The following TEAD1 variants were observed in gnomAD, a reference collection of about 807,000 sequenced individuals.
TEAD1 encodes the protein transcriptional enhancer factor TEF-1.
In TEAD1, 9 loss-of-function variants were observed where a neutral mutation model predicts 54.9. The ratio of observed to expected loss-of-function variants is 0.16; its 90% CI spans 0.10 to 0.29. TEAD1 has a LOEUF of 0.29. Ranked by LOEUF, TEAD1 falls within the 10% of genes least tolerant of loss-of-function variation. The probability of loss-of-function intolerance (pLI) is 1.00; values close to 1 mark genes in which losing one functional copy is unlikely to be tolerated. For synonymous variants in TEAD1, 200 were observed against 187.8 expected, an observed-to-expected ratio of 1.07 and a Z score of -0.53; for missense variants, 387 against 535.9, an observed-to-expected ratio of 0.72 and a Z score of 2.74.
chr11:12,792,716 T>C (rs1229625545), intron 3 of TEAD1, among the ~76,000 whole-genome samples: 1 of 152,298 alleles, frequency 6.6e-6, no homozygotes, highest in African/African-American at 2.4e-5. Context: ...ATGAGATATA[T>C]AGTAAAGCTA....
rs536531050 is a variant in TEAD1, at chr11:12,851,393, A to G, written c.203-10857A>G. ...TTGTCGTCACACACAAAAAATTACTATGCGATGATAGCTATGTTAATCTGT... is the reference window on the plus strand; with the variant it reads ...TTGTCGTCACACACAAAAAATTACTGTGCGATGATAGCTATGTTAATCTGT... On this transcript the variant is annotated intron_variant, in intron 3 of 12. Transcript: ENST00000527636. 3.5e-4 allele frequency among the ~76,000 whole-genome samples: 54 copies of G among 152,370 alleles called. 1 individual carries two copies. The highest frequency in any genetic ancestry group is 5.0e-4 in the Non-Finnish European group (34 of 68,034).
chr11:12,942,860 A>G lies in TEAD1; in HGVS notation c.*5638A>G, dbSNP rs1324242434. The G allele has an allele frequency of 6.6e-6, 1 of 152,222 alleles. No homozygotes were observed. The highest frequency in any genetic ancestry group is 1.9e-4 in the East Asian group (1 of 5,190). 9.4% of individuals were successfully genotyped at this position (152,222 alleles called of 1,614,324 possible). On this transcript the variant is annotated 3_prime_UTR_variant, in exon 13 of 13. Transcript: ENST00000527636. ...ATTTGGCATTTTCAAAGAATGTTCCAGCCCTCAAAGGGGCAACTCTTTAAA... is the reference window on the plus strand; with the variant it reads ...ATTTGGCATTTTCAAAGAATGTTCCGGCCCTCAAAGGGGCAACTCTTTAAA...
At chr11:12,841,287 T>C (rs1947035227) in intron 3 of TEAD1, among the ~76,000 whole-genome samples, 1 of 152,170 alleles carries the variant, frequency 6.6e-6, no homozygotes, top group South Asian at 2.1e-4. Context: ...CCTCCTTTGG[T>C]CTTCTTAGCT....
At chr11:12,715,263 C>CA (rs1944031779) in intron 2 of TEAD1, among the ~76,000 whole-genome samples, 1 of 152,116 alleles carries the variant, frequency 6.6e-6, no homozygotes, top group Non-Finnish European at 1.5e-5. Flanking sequence ...TCACCAGAGA[C>CA]AAAACCCAGG....
chr11:12,824,520 G>T (rs1163581412), intron 3 of TEAD1, among the ~76,000 whole-genome samples: 1 of 152,204 alleles, frequency 6.6e-6, no homozygotes, highest in Non-Finnish European at 1.5e-5. Context: ...AACAATGTTG[G>T]ATACTGCCCG....
chr11:12,762,274 G>C (rs1330387322), intron 2 of TEAD1, among the ~76,000 whole-genome samples: 1 of 152,164 alleles, frequency 6.6e-6, no homozygotes, highest in Non-Finnish European at 1.5e-5. Context: ...GCTAGCCACT[G>C]CTCAAAGAAT....
At chr11:12,836,199 T>A (rs1946888204) in intron 3 of TEAD1, among the ~76,000 whole-genome samples, 1 of 152,036 alleles carries the variant, frequency 6.6e-6, no homozygotes, top group Non-Finnish European at 1.5e-5. Flanking sequence ...GGTGGGTGGA[T>A]CATGAGGTCA....
intron 3 of TEAD1, among the ~76,000 whole-genome samples, chr11:12,819,966 T>G (rs966633931): frequency 2.2e-5 from 3 of 133,792 alleles, no homozygotes; most frequent in Non-Finnish European, 4.6e-5. Flanking sequence ...GGATTAGAGG[T>G]GGAGAAACAG....
In TEAD1 at chr11:12,883,138, A is replaced by G. The variant is rs1948003958; in HGVS notation, c.699+13A>G. 1.9e-6 allele frequency: 3 copies of G among 1,614,158 alleles called. No homozygotes were observed. The highest frequency in any genetic ancestry group is 1.1e-5 in the South Asian group (1 of 91,078). On this transcript the variant is annotated intron_variant, in intron 9 of 12. Transcript: ENST00000527636. ...AGACCCAGACTCGGTGAGTGTGCCCAGAGAGGTGTGTCTTGAATCCAGGAT... is the reference window on the plus strand; with the variant it reads ...AGACCCAGACTCGGTGAGTGTGCCCGGAGAGGTGTGTCTTGAATCCAGGAT...
At chr11:12,835,620 G>A (rs1263537640) in intron 3 of TEAD1, among the ~76,000 whole-genome samples, 2 of 151,858 alleles carry the variant, frequency 1.3e-5, no homozygotes, top group Non-Finnish European at 2.9e-5. Flanking sequence ...GTACCCGGTG[G>A]CTCTGAGGTT....
chr11:12,674,480 T>TCTG lies in TEAD1; in HGVS notation c.-557_-555dup, dbSNP rs944224735. 3 of 151,200 alleles carry TCTG rather than the reference T, an allele frequency of 2.0e-5. No homozygotes were observed. The highest frequency in any genetic ancestry group is 1.9e-4 in the South Asian group (1 of 5,278). The allele number at this position is 151,200 out of a possible 1,614,324, so 9.4% of individuals were successfully genotyped here. ...CGCGCCGCCTGAGCCGAGCCGAGCC[T>TCTG]CTGCTGCCGCCGCCGCGGCCCCGCC... On this transcript the variant is annotated 5_prime_UTR_variant, in exon 1 of 13. Transcript: ENST00000527636.
intron 2 of TEAD1, among the ~76,000 whole-genome samples, chr11:12,694,567 G>A (rs1943538647): frequency 6.6e-6 from 1 of 152,160 alleles, no homozygotes; most frequent in African/African-American, 2.4e-5. Context: ...TCCTTTATGA[G>A]CAGTGCCCAC....
At chr11:12,931,768 C>T (rs994410082) in intron 12 of TEAD1, among the ~76,000 whole-genome samples, 1 of 149,018 alleles carries the variant, frequency 6.7e-6, no homozygotes, top group Non-Finnish European at 1.5e-5. Flanking sequence ...AGCTTCTATA[C>T]ACCATTGTAT....
intron 10 of TEAD1, among the ~76,000 whole-genome samples, chr11:12,907,078 C>T (rs552678285): frequency 8.5e-5 from 13 of 152,288 alleles, no homozygotes; most frequent in Admixed American, 6.5e-4. Flanking sequence ...TACTGCTAAA[C>T]TTCTTTTTTA....
At chr11:12,722,190 C>T (rs756181686) in intron 2 of TEAD1, among the ~76,000 whole-genome samples, 3 of 152,132 alleles carry the variant, frequency 2.0e-5, no homozygotes, top group South Asian at 2.1e-4. Flanking sequence ...CTCTGAAATT[C>T]GAAGCTACAG....
chr11:12,865,993 C>CT (rs142282774), intron 5 of TEAD1, among the ~76,000 whole-genome samples: 13,140 of 152,074 alleles, frequency 0.086, 696 homozygotes, highest in South Asian at 0.18. Flanking sequence ...AGTCCTTCGA[C>CT]TTTTTTTTAT....
chr11:12,683,529 G>A (rs1943269758), intron 2 of TEAD1, among the ~76,000 whole-genome samples: 1 of 152,178 alleles, frequency 6.6e-6, no homozygotes, highest in East Asian at 1.9e-4. Flanking sequence ...CCTGTGGTAG[G>A]AACTGAGGAG....
At chr11:12,771,768 G>A (rs941640468) in intron 3 of TEAD1, among the ~76,000 whole-genome samples, 10 of 152,098 alleles carry the variant, frequency 6.6e-5, no homozygotes, top group Non-Finnish European at 1.5e-4. Flanking sequence ...GGCCTGTGAT[G>A]CCCAGGCTCA....
At chr11:12,907,699 A>G (rs900913571) in intron 10 of TEAD1, among the ~76,000 whole-genome samples, 13 of 152,182 alleles carry the variant, frequency 8.5e-5, no homozygotes, top group African/African-American at 3.1e-4. Flanking sequence ...CACATACTTG[A>G]TATTATTTAA....
Sources: gnomAD v4.1 joint callset for allele counts (sites outside exome capture counted in the v4.1 genomes callset) on GRCh38, gnomAD v4.1.1 for gene constraint, MANE v1.5 for transcripts, NCBI Gene and HGNC (gene_info 2026-07-23, HGNC 2026-07-21) for gene names.